Variants in SLC31A1 observed in about 807,000 individuals in gnomAD.
SLC31A1 encodes high affinity copper uptake protein 1.
SLC31A1 carries 5 observed loss-of-function variants against 17.2 expected under a neutral mutation model. The observed-to-expected ratio is 0.29, with a 90% confidence interval of 0.15 to 0.61. The LOEUF is 0.61. Among genes scored for constraint, SLC31A1 ranks in the 20% least tolerant of loss-of-function variants. SLC31A1 has a pLI of 0.86. For missense variants in SLC31A1, 161 were observed against 241.4 expected (o/e 0.67, Z 2.21); for synonymous variants, 76 against 78.8 (o/e 0.96, Z 0.19).
chr9:113,224,946 A>G (rs776961083), intron 1 of SLC31A1, among the ~76,000 whole-genome samples: 1 of 152,236 alleles, frequency 6.6e-6, no homozygotes, highest in Non-Finnish European at 1.5e-5. Context: ...TCTTGTGAAT[A>G]TTATAGGAGT....
At chr9:113,232,560 G>A (rs1831412463) in intron 1 of SLC31A1, among the ~76,000 whole-genome samples, 2 of 151,892 alleles carry the variant, frequency 1.3e-5, no homozygotes, top group Non-Finnish European at 2.9e-5. Context: ...GGCCAGGCAC[G>A]GTGGCTTACA....
chr9:113,254,725 C>A (rs1831701536), intron 1 of SLC31A1, among the ~76,000 whole-genome samples: 1 of 151,828 alleles, frequency 6.6e-6, no homozygotes, highest in Admixed American at 6.6e-5. Flanking sequence ...ATGGTGAAAC[C>A]CCATCTCTAC....
In SLC31A1 at chr9:113,262,875, G is replaced by A. The variant is rs1228300675; in HGVS notation, c.*2402G>A. The A allele has an allele frequency of 6.6e-6, 1 of 152,632 alleles. No individual in the cohort carries two copies. Among genetic ancestry groups the A allele is most frequent in the Non-Finnish European group, 1.5e-5 (1 of 68,082 alleles). The allele number at this position is 152,632 out of a possible 1,614,324, so 9.5% of individuals were successfully genotyped here. A position where few individuals can be genotyped will look rare whatever the true frequency, so the allele number is the denominator to read the frequency against. ...CCAGCAACAAAACCTAATCAGTAAG[G>A]CCAGCTAGACCCAATGGCTCATGCC... On this transcript the variant is annotated 3_prime_UTR_variant, in exon 5 of 5. Transcript: ENST00000374212.
intron 1 of SLC31A1, among the ~76,000 whole-genome samples, chr9:113,229,937 C>T (rs560527283): frequency 6.6e-6 from 1 of 152,282 alleles, no homozygotes; most frequent in East Asian, 1.9e-4. Context: ...CAGTATAATA[C>T]TATTCAAGCT....
At chr9:113,223,760 C>T (rs896190711) in intron 1 of SLC31A1, among the ~76,000 whole-genome samples, 2 of 152,076 alleles carry the variant, frequency 1.3e-5, no homozygotes, top group African/African-American at 4.8e-5. Flanking sequence ...AGATGACAGT[C>T]TTTATATACG....
chr9:113,223,410 C>CT (rs1481308934), intron 1 of SLC31A1, among the ~76,000 whole-genome samples: 1 of 151,978 alleles, frequency 6.6e-6, no homozygotes, highest in Admixed American at 6.6e-5. Flanking sequence ...ATCAGGAAAT[C>CT]TGAATTCCTG....
At chr9:113,257,988 C>T (rs1399554035) in intron 3 of SLC31A1, among the ~76,000 whole-genome samples, 1 of 152,212 alleles carries the variant, frequency 6.6e-6, no homozygotes, top group Non-Finnish European at 1.5e-5. Flanking sequence ...CCTTCTAGAG[C>T]TACCTAGACC....
chr9:113,257,088 C>T, intron 2 of SLC31A1, 25 bp from the exon 3 acceptor site: 2 of 1,597,100 alleles, frequency 1.3e-6, no homozygotes, highest in Non-Finnish European at 1.7e-6. Context: ...TCATCTCTAA[C>T]TGACTTGTTT....
Position 113,246,883 on chromosome 9 carries a change from A to C in SLC31A1, c.-35-9231A>C, listed in dbSNP as rs370806168. 6.3e-4 allele frequency among the ~76,000 whole-genome samples: 89 copies of C among 141,104 alleles called. No homozygotes were observed. In the East Asian group the frequency reaches 0.016, roughly 25 times the overall value. The allele number at this position is 141,104 out of a possible 152,430, so 92.6% of individuals were successfully genotyped here. A position where few individuals can be genotyped will look rare whatever the true frequency, so the allele number is the denominator to read the frequency against. On this transcript the variant is annotated intron_variant, in intron 1 of 4. Coordinates refer to ENST00000374212, the MANE Select transcript of SLC31A1 (RefSeq NM_001859.4). ...TCAAACTCCTAGCCTCAAGTGATTC[A>C]CCTGCCTCGGCCTCCCTAAGTGCTG...
intron 1 of SLC31A1, among the ~76,000 whole-genome samples, chr9:113,252,954 C>CTTTTTTTT (rs369221979): frequency 8.5e-5 from 9 of 105,510 alleles, no homozygotes; most frequent in East Asian, 3.6e-4. Context: ...TTCTTTTTTT[C>CTTTTTTTT]TTTTTTTTTT....
intron 1 of SLC31A1, chr9:113,227,425 TG>T (rs1320106070): frequency 6.6e-6 from 1 of 152,070 alleles, no homozygotes; most frequent in Non-Finnish European, 1.5e-5. Flanking sequence ...GCTAATTTTT[TG>T]TATTTTTGAT....
intron 1 of SLC31A1, among the ~76,000 whole-genome samples, chr9:113,240,804 C>T: frequency 6.6e-6 from 1 of 152,104 alleles, no homozygotes. Context: ...AATCCTAGCA[C>T]TTTGGGAGGC....
intron 1 of SLC31A1, among the ~76,000 whole-genome samples, chr9:113,224,535 T>C (rs901986986): frequency 1.3e-5 from 2 of 152,110 alleles, no homozygotes; most frequent in Non-Finnish European, 2.9e-5. Context: ...TTCAAGCGAT[T>C]CTCCAGCCTC....
chr9:113,228,832 G>A lies in SLC31A1; in HGVS notation c.-36+7154G>A, dbSNP rs147285217. ...GTTTCCACATCTGTAAAATAAAGGA[G>A]TTGGATTTGATGATACTTTTTTTTT... On this transcript the variant is annotated intron_variant, in intron 1 of 4. Coordinates refer to ENST00000374212, the MANE Select transcript of SLC31A1 (RefSeq NM_001859.4). Among the ~76,000 whole-genome samples, 548 of 152,196 alleles carry A rather than the reference G, an allele frequency of 3.6e-3. 8 individuals carry two copies. Among genetic ancestry groups the A allele is most frequent in the African/African-American group, 0.013 (523 of 41,522 alleles).
rs913830876 is a variant in SLC31A1 at position 113,263,002 on chromosome 9, A to G, written c.*2529A>G. 2 of 152,228 alleles carry G rather than the reference A, an allele frequency of 1.3e-5. No homozygotes were observed. The highest frequency in any genetic ancestry group is 4.8e-5 in the African/African-American group (2 of 41,436). The allele number at this position is 152,228 out of a possible 1,614,324, so 9.4% of individuals were successfully genotyped here. ...TAGTGAGATCCTATCTCTATAAAAA[A>G]TCAAAAATTAGCCAGGCATGGTGGT... On this transcript the variant is annotated 3_prime_UTR_variant, in exon 5 of 5. Transcript: ENST00000374212.
intron 1 of SLC31A1, among the ~76,000 whole-genome samples, chr9:113,237,425 T>G (rs546373991): frequency 7.3e-5 from 11 of 149,724 alleles, no homozygotes; most frequent in Admixed American, 6.7e-4. Context: ...TAGGTCTACG[T>G]TTTTTTTTTC....
chr9:113,235,949 G>A (rs1831453416), intron 1 of SLC31A1, among the ~76,000 whole-genome samples: 1 of 152,198 alleles, frequency 6.6e-6, no homozygotes, highest in Non-Finnish European at 1.5e-5. Context: ...TGTTAGAATG[G>A]CTAAAGTATA....
chr9:113,237,622 G>C (rs1447025889), intron 1 of SLC31A1, among the ~76,000 whole-genome samples: 1 of 152,176 alleles, frequency 6.6e-6, no homozygotes, highest in Non-Finnish European at 1.5e-5. Flanking sequence ...GGCTTCTAAT[G>C]ATGACCACTA....
At chr9:113,225,517 T>G (rs950494261) in intron 1 of SLC31A1, among the ~76,000 whole-genome samples, 2 of 152,330 alleles carry the variant, frequency 1.3e-5, no homozygotes, top group East Asian at 3.9e-4. Context: ...AACATGAGGT[T>G]GTTGTGAAGG....
Sources: gnomAD v4.1 joint callset for allele counts (sites outside exome capture counted in the v4.1 genomes callset) on GRCh38, gnomAD v4.1.1 for gene constraint, MANE v1.5 for transcripts, NCBI Gene and HGNC (gene_info 2026-07-23, HGNC 2026-07-21) for gene names.